The following PIK3CB variants were observed in gnomAD, a reference collection of about 807,000 sequenced individuals.
PIK3CB encodes the protein phosphatidylinositol 4,5-bisphosphate 3-kinase catalytic subunit beta isoform.
Under a neutral mutation model 136.8 loss-of-function variants are expected in PIK3CB, and 39 were observed. The observed-to-expected ratio is 0.29, with a 90% CI of 0.22 to 0.37. The LOEUF is 0.37. Among genes scored for constraint, PIK3CB ranks in the 10% least tolerant of loss-of-function variants. The probability of loss-of-function intolerance (pLI) is 1.00; values close to 1 mark genes in which losing one functional copy is unlikely to be tolerated. For synonymous variants in PIK3CB, 428 were observed against 436.6 expected, an observed-to-expected ratio of 0.98 and a Z score of 0.25; for missense variants, 868 against 1,275.4, an observed-to-expected ratio of 0.68 and a Z score of 4.87.
At chr3:138,668,732 T>C (rs763054594) in intron 19 of PIK3CB, among the ~76,000 whole-genome samples, 3 of 152,204 alleles carry the variant, frequency 2.0e-5, no homozygotes, top group African/African-American at 7.2e-5. Flanking sequence ...ACAATTTTGC[T>C]ACATTGATAT....
chr3:138,693,556 G>A (rs965791161), intron 14 of PIK3CB, among the ~76,000 whole-genome samples: 27 of 151,388 alleles, frequency 1.8e-4, no homozygotes, highest in African/African-American at 6.3e-4. Flanking sequence ...CGGCCACCAC[G>A]CCTGGCTAAT....
intron 1 of PIK3CB, among the ~76,000 whole-genome samples, chr3:138,833,021 CAAT>C (rs1187572822): frequency 1.3e-5 from 2 of 150,862 alleles, no homozygotes; most frequent in South Asian, 2.1e-4. Context: ...CAAAAAACAA[CAAT>C]AATTTTTTTT....
At chr3:138,789,431 C>T (rs2046023523) in intron 2 of PIK3CB, among the ~76,000 whole-genome samples, 1 of 152,080 alleles carries the variant, frequency 6.6e-6, no homozygotes, top group South Asian at 2.1e-4. Flanking sequence ...TGTACTCTAG[C>T]CTGGTTGACA....
intron 2 of PIK3CB, among the ~76,000 whole-genome samples, chr3:138,784,094 C>G (rs116591733): frequency 6.6e-6 from 1 of 152,140 alleles, no homozygotes; most frequent in Non-Finnish European, 1.5e-5. Context: ...TAATATTCTA[C>G]GAAAATGCTT....
chr3:138,737,836 A>G lies in PIK3CB; in HGVS notation c.672T>C (p.Asn224=). 6.2e-7 allele frequency: 1 copy of G among 1,609,368 alleles called. No homozygotes were observed. Among genetic ancestry groups the G allele is most frequent in the Non-Finnish European group, 8.5e-7 (1 of 1,177,394 alleles). ...VSPNMNPIKV[N]ELAIQKRLTI... is the part of the protein sequence containing the mutation. ...TCAAACGTTTTTGGATTGCCAATTC[A>G]TTTACTTTGATAGGATTCATATTAG... The change falls in exon 6 of 24, where the codon AAT becomes AAC. Residue 224 remains asparagine (N), a synonymous_variant. Coordinates refer to ENST00000674063, the MANE Select transcript of PIK3CB (RefSeq NM_006219.3).
chr3:138,781,162 C>A (rs1376839963), intron 2 of PIK3CB, among the ~76,000 whole-genome samples: 1 of 151,972 alleles, frequency 6.6e-6, no homozygotes, highest in South Asian at 2.1e-4. Flanking sequence ...CATGGTGGTG[C>A]TCACCTGCAG....
intron 1 of PIK3CB, among the ~76,000 whole-genome samples, chr3:138,815,878 C>T (rs931204101): frequency 6.6e-6 from 1 of 152,204 alleles, no homozygotes; most frequent in South Asian, 2.1e-4. Flanking sequence ...AATAATTACG[C>T]ACTTAGCCTG....
At chr3:138,721,638 C>A (rs1046846735) in intron 8 of PIK3CB, among the ~76,000 whole-genome samples, 1 of 152,172 alleles carries the variant, frequency 6.6e-6, no homozygotes, top group African/African-American at 2.4e-5. Context: ...GAAAAACACA[C>A]AACATTTATT....
Position 138,697,342 on chromosome 3 carries a change from T to C in PIK3CB, c.1770+1565A>G, listed in dbSNP as rs191929625. Among the ~76,000 whole-genome samples, 24 of 152,308 alleles carry C rather than the reference T, an allele frequency of 1.6e-4. No individual in the cohort carries two copies. The East Asian group carries it at 4.2e-3, about 27-fold the overall frequency. On this transcript the variant is annotated intron_variant, in intron 13 of 23. Transcript: ENST00000674063. ...GCAATTAAAATAAAATAGTTCCTTT[T>C]CAGTCTAATTTGGTCTAAGGTGGAA... is the stretch of plus-strand genomic sequence containing the variant.
At chr3:138,812,261 A>G (rs1327128891) in intron 1 of PIK3CB, among the ~76,000 whole-genome samples, 2 of 149,680 alleles carry the variant, frequency 1.3e-5, no homozygotes, top group Non-Finnish European at 3.0e-5. Flanking sequence ...TTGGGGGGAC[A>G]GAGTCTCGCT....
At chr3:138,806,648 T>C (rs1191486233) in intron 1 of PIK3CB, among the ~76,000 whole-genome samples, 1 of 152,182 alleles carries the variant, frequency 6.6e-6, no homozygotes, top group Non-Finnish European at 1.5e-5. Flanking sequence ...TCAGGACTGC[T>C]CTAGAAAAAT....
chr3:138,776,239 A>AT (rs2045857118), intron 2 of PIK3CB, among the ~76,000 whole-genome samples: 1 of 152,146 alleles, frequency 6.6e-6, no homozygotes, highest in African/African-American at 2.4e-5. Context: ...ATTAGTATCC[A>AT]TTTCATACCA....
Position 138,801,603 on chromosome 3 carries a change from G to A in PIK3CB, c.-121-5036C>T, listed in dbSNP as rs372121725. Reference sequence around the variant, plus strand: ...AATAAAAAATTAGCCAGGCGCGGTAGCTCACACCTGTAATCCCAGCACTTT... The same window carrying A: ...AATAAAAAATTAGCCAGGCGCGGTAACTCACACCTGTAATCCCAGCACTTT... On this transcript the variant is annotated intron_variant, in intron 1 of 23. Transcript: ENST00000674063. Among the ~76,000 whole-genome samples the A allele has an allele frequency of 3.3e-5, 5 of 152,094 alleles. No homozygotes were observed. In the South Asian group the frequency reaches 1.0e-3, roughly 32 times the overall value.
chr3:138,670,812 G>A (rs1247518249), intron 19 of PIK3CB, among the ~76,000 whole-genome samples: 1 of 152,128 alleles, frequency 6.6e-6, no homozygotes, highest in Non-Finnish European at 1.5e-5. Flanking sequence ...TCTGTCACCT[G>A]TAGTAGCCAC....
At chr3:138,704,419 C>A (rs779451876) in intron 12 of PIK3CB, 24 bp downstream of exon 12, 10 of 1,511,328 alleles carry the variant, frequency 6.6e-6, no homozygotes. Context: ...TAAGAAAGGG[C>A]CATTTAAAAC....
chr3:138,670,851 CTT>C (rs2043518400), intron 19 of PIK3CB, among the ~76,000 whole-genome samples: 1 of 152,158 alleles, frequency 6.6e-6, no homozygotes, highest in Non-Finnish European at 1.5e-5. Context: ...ATTATGATCT[CTT>C]TTCTTTATTC....
At chr3:138,767,015 C>CA (rs2045739786) in intron 2 of PIK3CB, among the ~76,000 whole-genome samples, 7 of 147,758 alleles carry the variant, frequency 4.7e-5, no homozygotes, top group South Asian at 2.1e-4. Context: ...TTTTTTGAGA[C>CA]AAAAAAAAAG....
Position 138,672,910 on chromosome 3 carries a change from GAAA to G in PIK3CB, c.2505-7710_2505-7708del, listed in dbSNP as rs748631273. ...CTGGGTGACAGAGTGAGACTCCGTT[GAAA>G]AAAAAAAAAAAAAAAAAGAGAGAGA... On this transcript the variant is annotated intron_variant, in intron 19 of 23. Transcript: ENST00000674063. Among the ~76,000 whole-genome samples the G allele has an allele frequency of 3.6e-4, 22 of 61,376 alleles. No individual in the cohort carries two copies. In the East Asian group the frequency reaches 9.3e-3, roughly 26 times the overall value. The allele number at this position is 61,376 out of a possible 152,430, so 40.3% of individuals were successfully genotyped here. A position where few individuals can be genotyped will look rare whatever the true frequency, so the allele number is the denominator to read the frequency against.
chr3:138,825,630 C>T (rs1215575685), intron 1 of PIK3CB: 5 of 624,958 alleles, frequency 8.0e-6, no homozygotes, highest in South Asian at 5.9e-5. Flanking sequence ...CCATGCTACT[C>T]GAAGCTCTGG....
Sources: gnomAD v4.1 joint callset for allele counts (sites outside exome capture counted in the v4.1 genomes callset) on GRCh38, gnomAD v4.1.1 for gene constraint, MANE v1.5 for transcripts, NCBI Gene and HGNC (gene_info 2026-07-23, HGNC 2026-07-21) for gene names.